Variants in SMYD3 observed in about 807,000 individuals in gnomAD.
SMYD3 encodes histone-lysine N-methyltransferase SMYD3.
SMYD3 carries 36 observed loss-of-function variants against 57.7 expected under a neutral mutation model. That is an observed-to-expected ratio of 0.62 (90% confidence interval 0.48 to 0.82). The LOEUF is 0.82. SMYD3 is among the 40% of genes least tolerant of loss of function. SMYD3 has a pLI of 0.00. For missense variants in SMYD3, 515 were observed against 538.8 expected (o/e 0.96, Z 0.44); for synonymous variants, 211 against 195.0 (o/e 1.08, Z -0.68).
intron 1 of SMYD3, among the ~76,000 whole-genome samples, chr1:246,482,932 A>G (rs199730501): frequency 2.0e-5 from 3 of 151,778 alleles, no homozygotes; most frequent in Non-Finnish European, 4.4e-5. Context: ...GTCTACAGTT[A>G]TATGCAGATC....
chr1:246,259,287 A>C (rs1432954633), intron 5 of SMYD3, among the ~76,000 whole-genome samples: 1 of 152,194 alleles, frequency 6.6e-6, no homozygotes, highest in Non-Finnish European at 1.5e-5. Context: ...TCAGATTTTT[A>C]ATGGTGCCAG....
At chr1:246,335,591 C>A in intron 2 of SMYD3, 117 bp from the exon 3 acceptor site, 3 of 744,824 alleles carry the variant, frequency 4.0e-6, no homozygotes, top group Non-Finnish European at 4.5e-6. Context: ...TGTAACTGCA[C>A]AATAGAAAAT....
chr1:246,045,119 TG>T (rs1375584628), intron 5 of SMYD3, among the ~76,000 whole-genome samples: 2 of 152,102 alleles, frequency 1.3e-5, no homozygotes, highest in African/African-American at 4.8e-5. Context: ...TTCACAGAAT[TG>T]GAAAAAACTA....
chr1:246,130,748 C>T (rs1558255147), intron 5 of SMYD3, among the ~76,000 whole-genome samples: 1 of 152,176 alleles, frequency 6.6e-6, no homozygotes, highest in Non-Finnish European at 1.5e-5. Flanking sequence ...CCTGCCTGAA[C>T]TATTGCACTG....
chr1:245,786,295 T>G (rs1235712217), intron 10 of SMYD3, among the ~76,000 whole-genome samples: 1 of 151,368 alleles, frequency 6.6e-6, no homozygotes, highest in East Asian at 2.0e-4. Context: ...ACAACAAAGA[T>G]TATACTACCT....
chr1:246,041,592 G>C lies in SMYD3; in HGVS notation c.532-111655C>G, dbSNP rs112266986. 5.9e-3 allele frequency among the ~76,000 whole-genome samples: 892 copies of C among 152,258 alleles called. 8 individuals are homozygous for C. The highest frequency in any genetic ancestry group is 0.02 in the African/African-American group (833 of 41,546). On this transcript the variant is annotated intron_variant, in intron 5 of 11. Transcript: ENST00000490107. ...CGTCGTATGCACACGATAAGTCCAA[G>C]ACCTGTAGTGGGTAAACTCAGCAAT...
chr1:245,861,879 C>A lies in SMYD3; in HGVS notation c.901+1920G>T, dbSNP rs561878719. On this transcript the variant is annotated intron_variant, in intron 9 of 11. Transcript: ENST00000490107. ...GTGAGTGCAGGGCTGTGTCTTCTAA[C>A]TTCTGTCTGAACCATCAGGTGAATG... Among the ~76,000 whole-genome samples, 27 of 36,674 alleles carry A rather than the reference C, an allele frequency of 7.4e-4. No homozygotes were observed. The South Asian group carries it at 0.014, about 19-fold the overall frequency. The allele number at this position is 36,674 out of a possible 152,430, so 24.1% of individuals were successfully genotyped here. A position where few individuals can be genotyped will look rare whatever the true frequency, so the allele number is the denominator to read the frequency against.
At chr1:246,407,181 A>G (rs1021140916) in intron 1 of SMYD3, among the ~76,000 whole-genome samples, 1 of 152,228 alleles carries the variant, frequency 6.6e-6, no homozygotes, top group African/African-American at 2.4e-5. Context: ...CAATTTTCAA[A>G]TGTCCACTTT....
Position 245,972,854 on chromosome 1 carries a change from A to G in SMYD3, c.532-42917T>C, listed in dbSNP as rs12058615. 5.0e-3 allele frequency among the ~76,000 whole-genome samples: 755 copies of G among 152,276 alleles called. 8 individuals are homozygous for G. Among genetic ancestry groups the G allele is most frequent in the African/African-American group, 0.017 (710 of 41,566 alleles). On this transcript the variant is annotated intron_variant, in intron 5 of 11. Coordinates refer to ENST00000490107, the MANE Select transcript of SMYD3 (RefSeq NM_001167740.2). ...CACCCACCTGGTACATACATTACAC[A>G]ATCAGTGAAAAAGAAATAAATGTCT...
intron 5 of SMYD3, among the ~76,000 whole-genome samples, chr1:245,960,700 C>T (rs1037720406): frequency 2.0e-5 from 3 of 151,452 alleles, no homozygotes; most frequent in Non-Finnish European, 4.4e-5. Context: ...GCACTCCAGC[C>T]TGGGTGACAG....
chr1:246,124,821 T>TA (rs1333718786), intron 5 of SMYD3, among the ~76,000 whole-genome samples: 3 of 149,276 alleles, frequency 2.0e-5, no homozygotes, highest in Admixed American at 2.0e-4. Context: ...GACACTGTAA[T>TA]AGAGTGATCT....
chr1:246,236,850 C>T (rs2063519199), intron 5 of SMYD3, among the ~76,000 whole-genome samples: 2 of 152,056 alleles, frequency 1.3e-5, no homozygotes, highest in Admixed American at 6.6e-5. Flanking sequence ...TGAAAGAAGG[C>T]TGTAAGAAAG....
chr1:246,259,969 A>G (rs1558357103), intron 5 of SMYD3, among the ~76,000 whole-genome samples: 1 of 152,218 alleles, frequency 6.6e-6, no homozygotes, highest in South Asian at 2.1e-4. Flanking sequence ...GGTGTGTAGT[A>G]TAGTGGGCTC....
intron 5 of SMYD3, among the ~76,000 whole-genome samples, chr1:246,211,513 C>T (rs566032302): frequency 2.0e-5 from 3 of 150,098 alleles, no homozygotes; most frequent in African/African-American, 7.4e-5. Context: ...ATATATAATT[C>T]TTTCAGATGG....
At chr1:246,227,956 C>CTTTTT (rs202246263) in intron 5 of SMYD3, among the ~76,000 whole-genome samples, 30 of 115,588 alleles carry the variant, frequency 2.6e-4, no homozygotes, top group African/African-American at 6.2e-4. Flanking sequence ...ATTTTTATTC[C>CTTTTT]TTTTTTTTTT....
intron 8 of SMYD3, among the ~76,000 whole-genome samples, chr1:245,864,877 C>A (rs1463705145): frequency 6.6e-6 from 1 of 152,150 alleles, no homozygotes; most frequent in East Asian, 1.9e-4. Context: ...TACAACTACA[C>A]CCATGTGACC....
chr1:246,261,085 G>A (rs552082824), intron 5 of SMYD3, among the ~76,000 whole-genome samples: 1 of 151,784 alleles, frequency 6.6e-6, no homozygotes, highest in African/African-American at 2.4e-5. Context: ...TTGAGACGGC[G>A]TCTCACTCTG....
In SMYD3 at chr1:246,356,230, C is replaced by T. The variant is rs142493903; in HGVS notation, c.165-1136G>A. ...CAGTTTGGCTCTTGGGAAGCTCCAT[C>T]CCTGGGGGAGGAGGGAGAACACCAC... is the stretch of plus-strand genomic sequence containing the variant. On this transcript the variant is annotated intron_variant, in intron 1 of 11. Coordinates refer to ENST00000490107, the MANE Select transcript of SMYD3 (RefSeq NM_001167740.2). 1.9e-3 allele frequency among the ~76,000 whole-genome samples: 282 copies of T among 152,242 alleles called. 2 individuals carry two copies. The highest frequency in any genetic ancestry group is 6.5e-3 in the African/African-American group (268 of 41,536).
intron 5 of SMYD3, among the ~76,000 whole-genome samples, chr1:246,226,976 A>G (rs2063339083): frequency 6.6e-6 from 1 of 152,184 alleles, no homozygotes; most frequent in Non-Finnish European, 1.5e-5. Flanking sequence ...TTATTAGATG[A>G]GGTTATTTAT....
Sources: gnomAD v4.1 joint callset for allele counts (sites outside exome capture counted in the v4.1 genomes callset) on GRCh38, gnomAD v4.1.1 for gene constraint, MANE v1.5 for transcripts, NCBI Gene and HGNC (gene_info 2026-07-23, HGNC 2026-07-21) for gene names.